The following TMEM132C variants were observed in gnomAD, a reference collection of about 807,000 sequenced individuals.
TMEM132C encodes transmembrane protein 132C.
TMEM132C carries 29 observed loss-of-function variants against 61.4 expected under a neutral mutation model. The ratio of observed to expected loss-of-function variants is 0.47; its 90% CI spans 0.35 to 0.64. The LOEUF is 0.64. Ranked by LOEUF, TMEM132C falls within the 30% of genes least tolerant of loss-of-function variation. The probability of loss-of-function intolerance (pLI) is 0.00; values close to 1 mark genes in which losing one functional copy is unlikely to be tolerated. For missense variants in TMEM132C, 1,408 were observed against 1,476.9 expected (o/e 0.95, Z 0.76); for synonymous variants, 656 against 633.1 (o/e 1.04, Z -0.54).
chr12:128,498,119 T>C (rs1872032342), intron 2 of TMEM132C, among the ~76,000 whole-genome samples: 1 of 152,160 alleles, frequency 6.6e-6, no homozygotes, highest in African/African-American at 2.4e-5. Context: ...TTTGGTTTTA[T>C]TTTGATGGAA....
At chr12:128,569,860 T>C (rs1246200994) in intron 3 of TMEM132C, among the ~76,000 whole-genome samples, 3 of 152,194 alleles carry the variant, frequency 2.0e-5, no homozygotes, top group African/African-American at 7.2e-5. Flanking sequence ...ATTCCATCTT[T>C]TGCCAAAATC....
In TMEM132C at chr12:128,267,223, C is replaced by T. The variant is rs1205216118; in HGVS notation, c.-180C>T. Among the ~76,000 whole-genome samples, 1 of 147,064 alleles carries T rather than the reference C, an allele frequency of 6.8e-6. No homozygotes were observed. The highest frequency in any genetic ancestry group is 1.5e-5 in the Non-Finnish European group (1 of 66,060). On this transcript the variant is annotated 5_prime_UTR_variant, in exon 1 of 9. Transcript: ENST00000435159. Reference sequence around the variant, plus strand: ...AGCGGCGGAGCCGGAGCCGCCAGAGCCAGAGCCGGAGCTGCGGCGGCGTGG... The same window carrying T: ...AGCGGCGGAGCCGGAGCCGCCAGAGTCAGAGCCGGAGCTGCGGCGGCGTGG...
intron 1 of TMEM132C, among the ~76,000 whole-genome samples, chr12:128,383,991 A>C (rs1334650841): frequency 6.6e-6 from 1 of 152,316 alleles, no homozygotes; most frequent in East Asian, 1.9e-4. Context: ...GGTGCGTTTT[A>C]GCTAAGCTGC....
intron 1 of TMEM132C, among the ~76,000 whole-genome samples, chr12:128,269,182 T>C (rs1870425826): frequency 6.6e-6 from 1 of 152,146 alleles, no homozygotes; most frequent in African/African-American, 2.4e-5. Context: ...ATAAAATGAC[T>C]GAATGGGTAG....
chr12:128,331,093 C>T (rs1565903408), intron 1 of TMEM132C, among the ~76,000 whole-genome samples: 2 of 151,870 alleles, frequency 1.3e-5, no homozygotes, highest in African/African-American at 4.8e-5. Context: ...TCCCTCTTTC[C>T]CCCTGCCCCC....
rs535913734 is a variant in TMEM132C at position 128,543,369 on chromosome 12, G to A, written c.975-588G>A. ...CTTACAGAGGAGGGAGGTGAGGCAT[G>A]AAGTTATGCCTTGTCCAAATTTGCA... On this transcript the variant is annotated intron_variant, in intron 2 of 8. Transcript: ENST00000435159. 1.3e-4 allele frequency among the ~76,000 whole-genome samples: 20 copies of A among 152,326 alleles called. No individual in the cohort carries two copies. In the South Asian group the frequency reaches 3.7e-3, roughly 28 times the overall value.
intron 4 of TMEM132C, among the ~76,000 whole-genome samples, chr12:128,644,337 C>A (rs370108316): frequency 1.1e-4 from 16 of 152,198 alleles, no homozygotes; most frequent in African/African-American, 3.9e-4. Context: ...CAAAATCAAT[C>A]CATGTGTCCT....
chr12:128,382,192 G>A (rs1336668468), intron 1 of TMEM132C, among the ~76,000 whole-genome samples: 3 of 152,068 alleles, frequency 2.0e-5, no homozygotes, highest in Non-Finnish European at 2.9e-5. Flanking sequence ...CGAGCTCCCG[G>A]ACCCTTCACG....
chr12:128,705,107 G>C lies in TMEM132C; in HGVS notation c.2139G>C (p.Thr713=). ...CCCTGCAGGAGGCTGTATTCAGCACGTGGCTGCAGTTCAGTGATGGCTCTG... is the reference window on the plus strand; with the variant it reads ...CCCTGCAGGAGGCTGTATTCAGCACCTGGCTGCAGTTCAGTGATGGCTCTG... The part of the protein sequence containing the change: ...RTPKQEAVFS[T]WLQFSDGSVT... Residue 713 remains threonine, a synonymous_variant, in exon 9 of 9, where the codon ACG becomes ACC. Coordinates refer to ENST00000435159, the MANE Select transcript of TMEM132C (RefSeq NM_001136103.3). The C allele has an allele frequency of 2.6e-6, 4 of 1,540,830 alleles. No homozygotes were observed. The South Asian group carries it at 3.6e-5, about 14-fold the overall frequency.
At position 128,463,292 on chromosome 12, in the gene TMEM132C, G is replaced by A. The variant is rs892400084; in HGVS notation, c.974+47672G>A. 2.6e-5 allele frequency among the ~76,000 whole-genome samples: 4 copies of A among 151,998 alleles called. No individual in the cohort carries two copies. The South Asian group carries it at 6.2e-4, about 24-fold the overall frequency. On this transcript the variant is annotated intron_variant, in intron 2 of 8. Transcript: ENST00000435159. ...TTTCAGCATCTATGATGGCAGGGAT[G>A]GTGGTTTACCAAAAACTCATGCTTC... is the stretch of plus-strand genomic sequence containing the variant.
intron 1 of TMEM132C, among the ~76,000 whole-genome samples, chr12:128,310,292 C>T (rs1465560660): frequency 6.6e-6 from 1 of 152,068 alleles, no homozygotes; most frequent in Admixed American, 6.6e-5. Context: ...CTACCAGAGG[C>T]CAAGAAGGAT....
rs143018600 is a variant in TMEM132C, at chr12:128,318,134, C to T, written c.85+50647C>T. Among the ~76,000 whole-genome samples, 1,038 of 152,286 alleles carry T rather than the reference C, an allele frequency of 6.8e-3. 10 individuals are homozygous for T. The highest frequency in any genetic ancestry group is 0.024 in the African/African-American group (992 of 41,548). On this transcript the variant is annotated intron_variant, in intron 1 of 8. Coordinates refer to ENST00000435159, the MANE Select transcript of TMEM132C (RefSeq NM_001136103.3). ...AAAACAGACACGGATCTCACCCTAA[C>T]TCTTACTGAGGAATGAATCAAAAAC... is the stretch of plus-strand genomic sequence containing the variant.
At chr12:128,585,264 G>T (rs1875500606) in intron 3 of TMEM132C, among the ~76,000 whole-genome samples, 1 of 152,232 alleles carries the variant, frequency 6.6e-6, no homozygotes, top group Non-Finnish European at 1.5e-5. Flanking sequence ...TTGGTGATAG[G>T]AGATGTTAAA....
chr12:128,273,723 G>A (rs987602079), intron 1 of TMEM132C, among the ~76,000 whole-genome samples: 2 of 151,798 alleles, frequency 1.3e-5, no homozygotes, highest in African/African-American at 4.8e-5. Flanking sequence ...ATTGCTCTAT[G>A]GCTTACAAAA....
chr12:128,321,389 C>A (rs904707271), intron 1 of TMEM132C, among the ~76,000 whole-genome samples: 1 of 152,076 alleles, frequency 6.6e-6, no homozygotes, highest in Non-Finnish European at 1.5e-5. Flanking sequence ...CAGAAGGCTG[C>A]ATATCATATG....
chr12:128,504,468 C>T (rs1190262240), intron 2 of TMEM132C, among the ~76,000 whole-genome samples: 3 of 152,166 alleles, frequency 2.0e-5, no homozygotes, highest in Non-Finnish European at 4.4e-5. Flanking sequence ...CTCAGGCTGC[C>T]ATAAGATGAT....
chr12:128,664,369 C>G (rs1196554572), intron 4 of TMEM132C, among the ~76,000 whole-genome samples: 2 of 152,140 alleles, frequency 1.3e-5, no homozygotes, highest in Admixed American at 6.5e-5. Flanking sequence ...AAGCCTCTGG[C>G]TTTTTTCAAA....
At chr12:128,591,459 C>T (rs147925023) in intron 3 of TMEM132C, among the ~76,000 whole-genome samples, 8 of 152,254 alleles carry the variant, frequency 5.3e-5, no homozygotes, top group East Asian at 3.9e-4. Context: ...AACATCCCAG[C>T]GTGTGGATAG....
At chr12:128,662,260 C>T (rs1377150368) in intron 4 of TMEM132C, among the ~76,000 whole-genome samples, 2 of 152,180 alleles carry the variant, frequency 1.3e-5, no homozygotes, top group Non-Finnish European at 2.9e-5. Context: ...TGGCCTCCCT[C>T]CAGCCACCAA....
Sources: allele counts gnomAD v4.1 joint callset (sites outside exome capture counted in the v4.1 genomes callset), GRCh38; gene constraint gnomAD v4.1.1; transcripts MANE v1.5; gene names NCBI Gene and HGNC (gene_info 2026-07-23, HGNC 2026-07-21).